PRDM16: variants seen among roughly 807,000 people sequenced by gnomAD.
PRDM16 encodes histone-lysine N-methyltransferase PRDM16.
A neutral mutation model predicts 110.6 loss-of-function variants in PRDM16; 23 were observed. That is an observed-to-expected ratio of 0.21 (90% confidence interval 0.15 to 0.29). PRDM16 has a LOEUF of 0.29. Ranked by LOEUF, PRDM16 falls within the 10% of genes least tolerant of loss-of-function variation. PRDM16 has a pLI of 1.00. For synonymous variants in PRDM16, 799 were observed against 781.8 expected, an observed-to-expected ratio of 1.02 and a Z score of -0.37; for missense variants, 1,615 against 1,794.3, an observed-to-expected ratio of 0.90 and a Z score of 1.81.
At chr1:3,093,659 T>C (rs1642327644) in intron 1 of PRDM16, among the ~76,000 whole-genome samples, 2 of 151,222 alleles carry the variant, frequency 1.3e-5, no homozygotes, top group African/African-American at 4.9e-5. Context: ...GCTGTGGTCG[T>C]GGTGAGAAGG....
intron 1 of PRDM16, among the ~76,000 whole-genome samples, chr1:3,125,915 T>A (rs1643195361): frequency 1.3e-5 from 2 of 152,186 alleles, no homozygotes; most frequent in Admixed American, 6.5e-5. Flanking sequence ...ACAGGCATAA[T>A]GACAGGGGCA....
intron 3 of PRDM16, among the ~76,000 whole-genome samples, chr1:3,381,980 G>T (rs1033689540): frequency 2.6e-5 from 4 of 152,304 alleles, no homozygotes; most frequent in South Asian, 2.1e-4. Flanking sequence ...AGGGAGGGGG[G>T]GCCTCGTGGG....
At chr1:3,280,246 G>A (rs1182254207) in intron 3 of PRDM16, among the ~76,000 whole-genome samples, 4 of 152,342 alleles carry the variant, frequency 2.6e-5, no homozygotes, top group Admixed American at 6.5e-5. Flanking sequence ...GTGTGTTGGT[G>A]TGTGCATGTG....
At chr1:3,426,248 G>A in intron 14 of PRDM16, 23 bp downstream of exon 14, 1 of 1,606,230 alleles carries the variant, frequency 6.2e-7, no homozygotes, top group Non-Finnish European at 8.5e-7. Flanking sequence ...TCGCGGGCTG[G>A]GGAAAGTCTG....
Position 3,245,279 on chromosome 1 carries a change from G to A in PRDM16, c.438+1142G>A, listed in dbSNP as rs1025065585. ...CTCCATTTTTCCCCCAAAGTCAAAG[G>A]AAAGTGCTGTGCTAGTCCTGCCAAA... is the stretch of plus-strand genomic sequence containing the variant. On this transcript the variant is annotated intron_variant, in intron 3 of 16. Coordinates refer to ENST00000270722, the MANE Select transcript of PRDM16 (RefSeq NM_022114.4). This position sits in a 1 kb window ranked among gnomAD's most constrained non-coding sequence, Gnocchi z 4.7. Among the ~76,000 whole-genome samples, 1 of 152,136 alleles carries A rather than the reference G, an allele frequency of 6.6e-6. No individual in the cohort carries two copies. Among genetic ancestry groups the A allele is most frequent in the African/African-American group, 2.4e-5 (1 of 41,436 alleles).
intron 1 of PRDM16, among the ~76,000 whole-genome samples, chr1:3,144,009 C>T (rs758819997): frequency 5.3e-5 from 8 of 152,214 alleles, no homozygotes; most frequent in Non-Finnish European, 8.8e-5. Flanking sequence ...AAGACAGCTG[C>T]GTGGCCACCT....
At chr1:3,139,516 C>T (rs558084646) in intron 1 of PRDM16, among the ~76,000 whole-genome samples, 15 of 152,350 alleles carry the variant, frequency 9.8e-5, no homozygotes, top group South Asian at 2.1e-4. Flanking sequence ...CAGACCCAGG[C>T]GCTCAGCCCA....
At position 3,402,880 on chromosome 1, in the gene PRDM16, G is replaced by T. The variant is rs1226627634; in HGVS notation, c.766G>T (p.Val256Leu). The change falls in exon 6 of 17, where the codon GTG becomes TTG. Residue 256 changes from valine to leucine, a missense_variant. Physicochemically the swap from Val to Leu is conservative, Grantham distance 32. Transcript: ENST00000270722. ...RRHKKYTCGS[V>L]GAALYEGLAE... ...CCATAAGAAGTACACGTGTGGCTCAGTGGGGGCTGCGCTCTACGAGGGCCT... is the reference window on the plus strand; with the variant it reads ...CCATAAGAAGTACACGTGTGGCTCATTGGGGGCTGCGCTCTACGAGGGCCT... 1 of 1,612,990 alleles carries T rather than the reference G, an allele frequency of 6.2e-7. No homozygotes were observed. The highest frequency in any genetic ancestry group is 1.3e-5 in the African/African-American group (1 of 74,952).
rs562838596 is a variant in PRDM16 at position 3,367,387 on chromosome 1, G to A, written c.439-17765G>A. ...ACAGGAAGCGTGTGCGGGTTTCATGGCAGACGTGACTTGGGAGGGGTCTTG... is the reference window on the plus strand; with the variant it reads ...ACAGGAAGCGTGTGCGGGTTTCATGACAGACGTGACTTGGGAGGGGTCTTG... On this transcript the variant is annotated intron_variant, in intron 3 of 16. Coordinates refer to ENST00000270722, the MANE Select transcript of PRDM16 (RefSeq NM_022114.4). 7.9e-5 allele frequency among the ~76,000 whole-genome samples: 12 copies of A among 152,334 alleles called. No homozygotes were observed. In the South Asian group the frequency reaches 2.5e-3, roughly 32 times the overall value.
intron 2 of PRDM16, among the ~76,000 whole-genome samples, chr1:3,219,822 G>A (rs1053914386): frequency 2.8e-4 from 42 of 152,158 alleles, no homozygotes; most frequent in Non-Finnish European, 4.9e-4. Flanking sequence ...CACGGGCGCT[G>A]TCTCCCCACC....
At chr1:3,220,874 G>T (rs1308926590) in intron 2 of PRDM16, among the ~76,000 whole-genome samples, 1 of 152,212 alleles carries the variant, frequency 6.6e-6, no homozygotes, top group African/African-American at 2.4e-5. Flanking sequence ...GGAGGAAAGG[G>T]CCAACCTAGC....
chr1:3,321,629 G>T (rs35135252), intron 3 of PRDM16, among the ~76,000 whole-genome samples: 2 of 149,434 alleles, frequency 1.3e-5, no homozygotes, highest in African/African-American at 5.1e-5. Flanking sequence ...CCACACATAT[G>T]TGTATGTATG....
At position 3,209,557 on chromosome 1, in the gene PRDM16, G is replaced by T. The variant is rs1638832667; in HGVS notation, c.387+23083G>T. Among the ~76,000 whole-genome samples the T allele has an allele frequency of 6.6e-6, 1 of 152,236 alleles. No homozygotes were observed. Among genetic ancestry groups the T allele is most frequent in the African/African-American group, 2.4e-5 (1 of 41,462 alleles). On this transcript the variant is annotated intron_variant, in intron 2 of 16. Transcript: ENST00000270722. The surrounding 1 kb of genome is among the most constrained non-coding windows in gnomAD (Gnocchi z 4.6). ...GGTTCTGCTCCTGCACATTTCCAAA[G>T]GAAGCTCCCTGTGGGTGCGCGTGGA... is the stretch of plus-strand genomic sequence containing the variant.
At chr1:3,083,129 G>A (rs1444434655) in intron 1 of PRDM16, among the ~76,000 whole-genome samples, 1 of 152,220 alleles carries the variant, frequency 6.6e-6, no homozygotes, top group Non-Finnish European at 1.5e-5. Context: ...AGGCTTGTGT[G>A]TGTGAGAGCA....
In PRDM16 at chr1:3,241,967, G is replaced by A. The variant is rs565086774; in HGVS notation, c.388-2120G>A. 1.3e-5 allele frequency among the ~76,000 whole-genome samples: 2 copies of A among 152,230 alleles called. 1 individual carries two copies. Among genetic ancestry groups the A allele is most frequent in the Non-Finnish European group, 2.9e-5 (2 of 68,040 alleles). On this transcript the variant is annotated intron_variant, in intron 2 of 16. Coordinates refer to ENST00000270722, the MANE Select transcript of PRDM16 (RefSeq NM_022114.4). Reference sequence around the variant, plus strand: ...ATGTGAGGTTGTGGTGTTAACGGGGGCTCCTGGGCTGACCCTGCCTGGGAG... The same window carrying A: ...ATGTGAGGTTGTGGTGTTAACGGGGACTCCTGGGCTGACCCTGCCTGGGAG...
intron 2 of PRDM16, among the ~76,000 whole-genome samples, chr1:3,199,721 G>A (rs565557495): frequency 6.6e-6 from 1 of 152,302 alleles, no homozygotes; most frequent in East Asian, 1.9e-4. Flanking sequence ...AGTCTTGCTC[G>A]GCTAGGAGCC....
chr1:3,354,909 G>T lies in PRDM16; in HGVS notation c.439-30243G>T, dbSNP rs1307247478. ...GGCAGGACCGGGCCGCACCATGAAG[G>T]GCTACCTGGCCAGGTCTGCACCTGC... On this transcript the variant is annotated intron_variant, in intron 3 of 16. Coordinates refer to ENST00000270722, the MANE Select transcript of PRDM16 (RefSeq NM_022114.4). 2.0e-5 allele frequency among the ~76,000 whole-genome samples: 3 copies of T among 152,268 alleles called. No individual in the cohort carries two copies. The East Asian group carries it at 5.8e-4, about 29-fold the overall frequency.
Position 3,240,025 on chromosome 1 carries a change from AAGAGG to A in PRDM16, c.388-4053_388-4049del, listed in dbSNP as rs1032839637. 1.9e-4 allele frequency among the ~76,000 whole-genome samples: 26 copies of A among 135,790 alleles called. 1 individual carries two copies. The highest frequency in any genetic ancestry group is 2.9e-4 in the Non-Finnish European group (19 of 64,878). 89.1% of individuals were successfully genotyped at this position (135,790 alleles called of 152,430 possible). Reference sequence around the variant, plus strand: ...AGGAAGGAAAGATGGAGAGAGAGAGAAGAGGAGAGGAGAAGAGGAGAGGAGAGGAG... The same window carrying A: ...AGGAAGGAAAGATGGAGAGAGAGAGAAGAGGAGAAGAGGAGAGGAGAGGAG... On this transcript the variant is annotated intron_variant, in intron 2 of 16. Coordinates refer to ENST00000270722, the MANE Select transcript of PRDM16 (RefSeq NM_022114.4).
intron 2 of PRDM16, among the ~76,000 whole-genome samples, chr1:3,211,225 C>T (rs1638875411): frequency 6.6e-6 from 1 of 152,222 alleles, no homozygotes; most frequent in East Asian, 1.9e-4. Context: ...CTGTTGAGAG[C>T]CTGCGGTCAG....
Sources: allele counts gnomAD v4.1 joint callset (sites outside exome capture counted in the v4.1 genomes callset), GRCh38; gene constraint gnomAD v4.1.1; non-coding constraint Gnocchi (gnomAD v3.1); transcripts MANE v1.5; gene names NCBI Gene and HGNC (gene_info 2026-07-23, HGNC 2026-07-21).